Variants in SCNN1B observed in about 807,000 individuals in gnomAD.
SCNN1B encodes sodium channel epithelial 1 subunit beta.
Under a neutral mutation model 65.3 loss-of-function variants are expected in SCNN1B, and 46 were observed. The ratio of observed to expected loss-of-function variants is 0.70; its 90% CI spans 0.56 to 0.90. The LOEUF (loss-of-function observed/expected upper bound fraction) is 0.90, where lower values mean the gene tolerates loss of function less well. Ranked by LOEUF, SCNN1B falls within the 40% of genes least tolerant of loss-of-function variation. The pLI, the probability that SCNN1B is intolerant of heterozygous loss-of-function variation, is 0.00. For synonymous variants in SCNN1B, 349 were observed against 330.6 expected, an observed-to-expected ratio of 1.06 and a Z score of -0.60; for missense variants, 751 against 830.5, an observed-to-expected ratio of 0.90 and a Z score of 1.18.
chr16:23,341,466 C>G (rs1412137487), intron 1 of SCNN1B, among the ~76,000 whole-genome samples: 1 of 151,982 alleles, frequency 6.6e-6, no homozygotes, highest in Admixed American at 6.6e-5. Flanking sequence ...TTGGCATCAT[C>G]AAACTTAAAA....
At chr16:23,352,124 C>T (rs1962322092) in intron 2 of SCNN1B, among the ~76,000 whole-genome samples, 1 of 152,238 alleles carries the variant, frequency 6.6e-6, no homozygotes, top group South Asian at 2.1e-4. Context: ...CTTCCTCACT[C>T]GAATGTGAAT....
rs562011812 is a variant in SCNN1B at position 23,347,403 on chromosome 16, A to G, written c.-8-1189A>G. Among the ~76,000 whole-genome samples the G allele has an allele frequency of 1.1e-4, 16 of 152,248 alleles. No individual in the cohort carries two copies. In the South Asian group the frequency reaches 2.7e-3, roughly 26 times the overall value. The stretch of plus-strand genomic sequence containing the variant: ...GATGTAATTGTTACAGTAAGTCTTC[A>G]CTTAACATTGTTGATATGTTCTTGG... On this transcript the variant is annotated intron_variant, in intron 1 of 12. Coordinates refer to ENST00000343070, the MANE Select transcript of SCNN1B (RefSeq NM_000336.3).
chr16:23,287,988 C>G (rs1465623598), intron 2 of SCNN1B, among the ~76,000 whole-genome samples: 2 of 114,020 alleles, frequency 1.8e-5, no homozygotes, highest in African/African-American at 8.5e-5. Flanking sequence ...AACCCCATCT[C>G]TACAAAAAAA....
intron 1 of SCNN1B, among the ~76,000 whole-genome samples, chr16:23,302,796 C>A (rs1961113819): frequency 6.6e-6 from 1 of 152,186 alleles, no homozygotes; most frequent in African/African-American, 2.4e-5. Context: ...GCGCTTTCTA[C>A]GTGCTGGGCA....
At chr16:23,338,966 C>G (rs1291351310) in intron 1 of SCNN1B, among the ~76,000 whole-genome samples, 2 of 152,314 alleles carry the variant, frequency 1.3e-5, no homozygotes, top group East Asian at 3.9e-4. Flanking sequence ...GAACCACCAT[C>G]CCATTCAAGA....
intron 4 of SCNN1B, among the ~76,000 whole-genome samples, chr16:23,361,245 C>T (rs550371264): frequency 9.9e-5 from 15 of 152,150 alleles, no homozygotes; most frequent in African/African-American, 2.9e-4. Flanking sequence ...GACTTTTTAT[C>T]GAGGAATAGT....
chr16:23,304,159 A>G, intron 1 of SCNN1B: 1 of 1,342,904 alleles, frequency 7.4e-7, no homozygotes, highest in Admixed American at 2.0e-5. Context: ...AGTTCAATTT[A>G]TTTTTCTTTA....
intron 8 of SCNN1B, 38 bp downstream of exon 8, chr16:23,375,893 T>A (rs752752601): frequency 7.4e-7 from 1 of 1,357,018 alleles, no homozygotes. Flanking sequence ...TCCAGCCATC[T>A]GGGGCCACAG....
At position 23,378,757 on chromosome 16, in the gene SCNN1B, A is replaced by G; in HGVS notation, c.1456A>G (p.Thr486Ala). ...GGAGCGGGACCAAAGCACCAATATC[A>G]CCCTGAGCAGGTGAGCCTGAGCCTG... ...SQERDQSTNI[T>A]LSRKGIVKLN... The change falls in exon 11 of 13, where the codon ACC becomes GCC. Residue 486 changes from threonine (T) to alanine (A), a missense_variant. Coordinates refer to ENST00000343070, the MANE Select transcript of SCNN1B (RefSeq NM_000336.3). The G allele has an allele frequency of 6.2e-7, 1 of 1,613,564 alleles. No individual in the cohort carries two copies. The highest frequency in any genetic ancestry group is 8.5e-7 in the Non-Finnish European group (1 of 1,179,646).
chr16:23,284,278 G>A (rs1025825965), intron 2 of SCNN1B, among the ~76,000 whole-genome samples: 1 of 151,924 alleles, frequency 6.6e-6, no homozygotes, highest in African/African-American at 2.4e-5. Context: ...GGTGGCACGT[G>A]CCTATAATCC....
chr16:23,297,415 A>G (rs1218410333), upstream of SCNN1B, among the ~76,000 whole-genome samples: 3 of 152,344 alleles, frequency 2.0e-5, 1 homozygote, highest in South Asian at 6.2e-4. Context: ...CAAGCAACAG[A>G]TACCCCAAGA....
At chr16:23,338,003 T>C (rs764360303) in intron 1 of SCNN1B, among the ~76,000 whole-genome samples, 1 of 151,644 alleles carries the variant, frequency 6.6e-6, no homozygotes, top group Non-Finnish European at 1.5e-5. Context: ...GTCCAGAAGG[T>C]TGAGGCTGCA....
chr16:23,380,734 A>G lies in SCNN1B; in HGVS notation c.1856A>G (p.Asn619Ser), dbSNP rs751836120. 4 of 1,612,322 alleles carry G rather than the reference A, an allele frequency of 2.5e-6. No homozygotes were observed. In the Admixed American group the frequency reaches 5.0e-5, roughly 20 times the overall value. The change falls in exon 13 of 13, where the codon AAC becomes AGC. Residue 619 changes from asparagine to serine, a missense_variant. Coordinates refer to ENST00000343070, the MANE Select transcript of SCNN1B (RefSeq NM_000336.3). The surrounding 1 kb of genome is among the most constrained non-coding windows in gnomAD (Gnocchi z 5.4). ...CCCATCCCAGGCACCCCGCCCCCCA[A>G]CTATGACTCCCTGCGTCTGCAGCCG... ...ALPIPGTPPP[N>S]YDSLRLQPLD...
At chr16:23,353,148 T>C (rs1045309304) in intron 3 of SCNN1B, 74 bp downstream of exon 3, 3 of 1,505,264 alleles carry the variant, frequency 2.0e-6, no homozygotes, top group Non-Finnish European at 9.2e-7. Flanking sequence ...TTTTCTGTAG[T>C]AATTTGAGTC....
chr16:23,285,178 T>C (rs1477925171), intron 2 of SCNN1B, among the ~76,000 whole-genome samples: 1 of 152,206 alleles, frequency 6.6e-6, no homozygotes, highest in African/African-American at 2.4e-5. Context: ...TATGGTCATG[T>C]TAGACGTTAA....
At chr16:23,379,110 T>TCCACCTCTCCATTCTC (rs1555490335) in intron 11 of SCNN1B, among the ~76,000 whole-genome samples, 16 of 134,270 alleles carry the variant, frequency 1.2e-4, no homozygotes, top group African/African-American at 3.8e-4. Context: ...CCCTCCATCA[T>TCCACCTCTCCATTCTC]CCACCCACAC....
At chr16:23,334,267 C>T (rs946666574) in intron 1 of SCNN1B, among the ~76,000 whole-genome samples, 4 of 152,132 alleles carry the variant, frequency 2.6e-5, no homozygotes, top group Non-Finnish European at 4.4e-5. Flanking sequence ...TCCCATGACC[C>T]ACCCCGGAGA....
chr16:23,295,173 T>A (rs1960978306), intron 2 of SCNN1B, among the ~76,000 whole-genome samples: 1 of 152,122 alleles, frequency 6.6e-6, no homozygotes, highest in Non-Finnish European at 1.5e-5. Context: ...GACCGGTGTA[T>A]CTCTAGTGCC....
intron 1 of SCNN1B, among the ~76,000 whole-genome samples, chr16:23,283,445 T>C (rs1960809660): frequency 1.3e-5 from 2 of 152,154 alleles, no homozygotes; most frequent in South Asian, 4.1e-4. Flanking sequence ...TAGCCTACAA[T>C]TGGGCAAAAT....
Sources: allele counts gnomAD v4.1 joint callset (sites outside exome capture counted in the v4.1 genomes callset), GRCh38; gene constraint gnomAD v4.1.1; non-coding constraint Gnocchi (gnomAD v3.1); transcripts MANE v1.5; gene names NCBI Gene and HGNC (gene_info 2026-07-23, HGNC 2026-07-21).